DRICH1: variants seen among roughly 807,000 people sequenced by gnomAD.
DRICH1 encodes the protein aspartate-rich protein 1.
DRICH1 carries 38 observed loss-of-function variants against 39.5 expected under a neutral mutation model. That is an observed-to-expected ratio of 0.96 (90% CI 0.74 to 1.26). DRICH1 has a LOEUF of 1.26. Ranked by LOEUF, DRICH1 falls within the 50% of genes most tolerant of loss-of-function variation. The pLI is 0.00. For missense variants in DRICH1, 279 were observed against 270.4 expected (o/e 1.03, Z -0.22); for synonymous variants, 84 against 99.5 (o/e 0.84, Z 0.93).
At chr22:23,613,518 G>A in intron 10 of DRICH1, 121 bp downstream of exon 10, 2 of 924,508 alleles carry the variant, frequency 2.2e-6, no homozygotes, top group Non-Finnish European at 3.5e-6. Context: ...TTCTATACTG[G>A]CAGAATCACT....
downstream of DRICH1, among the ~76,000 whole-genome samples, chr22:23,605,153 G>C (rs939904451): frequency 6.6e-6 from 1 of 152,124 alleles, no homozygotes; most frequent in Non-Finnish European, 1.5e-5. Flanking sequence ...TATCACCTGG[G>C]GTATAAAGTT....
intron 5 of DRICH1, among the ~76,000 whole-genome samples, 178 bp downstream of exon 5, chr22:23,620,416 G>C (rs986706384): frequency 7.2e-5 from 11 of 152,062 alleles, no homozygotes; most frequent in Non-Finnish European, 1.2e-4. Context: ...AAAATCTCCT[G>C]CTTGGTCCTC....
downstream of DRICH1, among the ~76,000 whole-genome samples, chr22:23,605,760 T>C (rs535343896): frequency 6.6e-6 from 1 of 152,236 alleles, no homozygotes; most frequent in Admixed American, 6.5e-5. Flanking sequence ...ATAAATAATA[T>C]TTTAATATGA....
At chr22:23,630,251 G>A (rs1928311884) in intron 1 of DRICH1, among the ~76,000 whole-genome samples, 1 of 152,108 alleles carries the variant, frequency 6.6e-6, no homozygotes, top group Non-Finnish European at 1.5e-5. Flanking sequence ...CCACTACCAG[G>A]GGCACGCATA....
chr22:23,593,880 A>C, the DRICH1 span, among the ~76,000 whole-genome samples: 1 of 151,910 alleles, frequency 6.6e-6, no homozygotes, highest in Non-Finnish European at 1.5e-5. Flanking sequence ...CTGGAGGCTG[A>C]AGGAGGAGAA....
At position 23,631,279 on chromosome 22, in the gene DRICH1, C is replaced by A. The variant is rs578258795; in HGVS notation, c.208+537G>T. On this transcript the variant is annotated intron_variant, in intron 1 of 11. Transcript: ENST00000317749. The stretch of plus-strand genomic sequence containing the variant: ...CTAAAAATACAAAAAATTAGCCGGG[C>A]GTGGTAGTGGGCACCTGTAGTCCCT... Among the ~76,000 whole-genome samples the A allele has an allele frequency of 4.1e-4, 62 of 151,932 alleles. 1 individual carries two copies. In the South Asian group the frequency reaches 0.012, roughly 31 times the overall value.
chr22:23,604,790 C>T (rs1432742812), downstream of DRICH1, among the ~76,000 whole-genome samples: 1 of 152,210 alleles, frequency 6.6e-6, no homozygotes, highest in Non-Finnish European at 1.5e-5. Context: ...GGGACAGGGA[C>T]AGGGAAGAGC....
chr22:23,592,958 G>A, the DRICH1 span, among the ~76,000 whole-genome samples: 3 of 151,636 alleles, frequency 2.0e-5, no homozygotes, highest in Non-Finnish European at 1.5e-5. Flanking sequence ...CTTGAACCCG[G>A]GAGGTGGAGG....
chr22:23,607,538 CG>C (rs59669796), downstream of DRICH1, among the ~76,000 whole-genome samples: 13 of 147,432 alleles, frequency 8.8e-5, no homozygotes, highest in East Asian at 2.0e-4. Context: ...CTGGCGGGGG[CG>C]GGGGGGGGCC....
the DRICH1 span, among the ~76,000 whole-genome samples, chr22:23,602,975 G>C: frequency 2.9e-5 from 4 of 140,158 alleles, no homozygotes; most frequent in African/African-American, 1.1e-4. Flanking sequence ...CATTTAGGCT[G>C]TTTCCACTTT....
downstream of DRICH1, among the ~76,000 whole-genome samples, chr22:23,606,079 G>C (rs1926717557): frequency 6.7e-6 from 1 of 149,150 alleles, no homozygotes; most frequent in Non-Finnish European, 1.5e-5. Flanking sequence ...TTTTGAGTGA[G>C]ACCCCACCTC....
intron 11 of DRICH1, among the ~76,000 whole-genome samples, chr22:23,612,374 C>T (rs192394745): frequency 3.3e-4 from 49 of 146,462 alleles, no homozygotes; most frequent in South Asian, 6.4e-4. Context: ...GGCTGAGGCA[C>T]GAGAATGGCG....
At chr22:23,627,924 G>A (rs1380901688) in intron 1 of DRICH1, among the ~76,000 whole-genome samples, 1 of 152,104 alleles carries the variant, frequency 6.6e-6, no homozygotes, top group East Asian at 1.9e-4. Context: ...TGCCCATGGG[G>A]CCTAACATGT....
At chr22:23,618,104 TCACA>T (rs1278759783) in intron 6 of DRICH1, among the ~76,000 whole-genome samples, 5 of 150,098 alleles carry the variant, frequency 3.3e-5, no homozygotes, top group African/African-American at 1.2e-4. Flanking sequence ...ATTCTATTGA[TCACA>T]CATTCTTTTT....
At chr22:23,598,790 T>C in the DRICH1 span, among the ~76,000 whole-genome samples, 1 of 152,108 alleles carries the variant, frequency 6.6e-6, no homozygotes, top group African/African-American at 2.4e-5. Flanking sequence ...CAGAGGGCAG[T>C]GCTCCATACA....
chr22:23,614,826 T>C (rs944546399), intron 8 of DRICH1, among the ~76,000 whole-genome samples: 5 of 150,726 alleles, frequency 3.3e-5, no homozygotes, highest in African/African-American at 5.0e-5. Context: ...GCAGCTCCTG[T>C]GTCACTCTCC....
chr22:23,605,328 C>T (rs1345412316), downstream of DRICH1, among the ~76,000 whole-genome samples: 4 of 152,186 alleles, frequency 2.6e-5, no homozygotes, highest in African/African-American at 9.7e-5. Context: ...GCCTTTCCCT[C>T]AGAGGCACCA....
At chr22:23,613,040 G>A (rs985803050) in intron 11 of DRICH1, among the ~76,000 whole-genome samples, 2 of 152,144 alleles carry the variant, frequency 1.3e-5, no homozygotes, top group Non-Finnish European at 2.9e-5. Context: ...ATGTTCCACA[G>A]GGCACAAAAG....
chr22:23,588,144 T>G, the DRICH1 span, among the ~76,000 whole-genome samples: 2 of 152,198 alleles, frequency 1.3e-5, no homozygotes, highest in African/African-American at 4.8e-5. Flanking sequence ...TTCTTTGTTT[T>G]GAGACAGAGT....
Sources: allele counts gnomAD v4.1 joint callset (sites outside exome capture counted in the v4.1 genomes callset), GRCh38; gene constraint gnomAD v4.1.1; transcripts MANE v1.5; gene names NCBI Gene and HGNC (gene_info 2026-07-23, HGNC 2026-07-21).